The following C14orf132 variants were observed in gnomAD, a reference collection of about 807,000 sequenced individuals.
C14orf132 encodes the protein uncharacterized protein C14orf132.
Under a neutral mutation model 5.8 loss-of-function variants are expected in C14orf132, and 6 were observed. That is an observed-to-expected ratio of 1.03 (90% confidence interval 0.57 to 2.04). C14orf132 has a LOEUF of 2.04. Among genes scored for constraint, C14orf132 ranks in the 30% most tolerant of loss-of-function variants. The probability of loss-of-function intolerance (pLI) is 0.00; values close to 1 mark genes in which losing one functional copy is unlikely to be tolerated. For synonymous variants in C14orf132, 51 were observed against 49.8 expected, an observed-to-expected ratio of 1.02 and a Z score of -0.10; for missense variants, 125 against 115.8, an observed-to-expected ratio of 1.08 and a Z score of -0.37.
chr14:96,084,801 C>T (rs369062402), intron 1 of C14orf132, among the ~76,000 whole-genome samples: 2 of 152,276 alleles, frequency 1.3e-5, no homozygotes, highest in East Asian at 3.9e-4. Flanking sequence ...CTATTCCATC[C>T]CCTCAAGGAC....
Position 96,039,480 on chromosome 14 carries a change from A to G in C14orf132, c.-21A>G. 6.7e-7 allele frequency: 1 copy of G among 1,501,178 alleles called. No homozygotes were observed. Among genetic ancestry groups the G allele is most frequent in the East Asian group, 2.7e-5 (1 of 37,328 alleles). The allele number at this position is 1,501,178 out of a possible 1,614,324, so 93.0% of individuals were successfully genotyped here. A position where few individuals can be genotyped will look rare whatever the true frequency, so the allele number is the denominator to read the frequency against. ...CGGCAGCGGCAGCAGCGAGGACTCGAGCGCTGGCTGCAGCGACACCATGGA... is the reference window on the plus strand; with the variant it reads ...CGGCAGCGGCAGCAGCGAGGACTCGGGCGCTGGCTGCAGCGACACCATGGA... On this transcript the variant is annotated 5_prime_UTR_variant, in exon 1 of 2. Coordinates refer to ENST00000555004, the MANE Select transcript of C14orf132 (RefSeq NM_001252507.3). This position sits in a 1 kb window ranked among gnomAD's most constrained non-coding sequence, Gnocchi z 5.3.
chr14:96,076,484 C>T (rs992711486), intron 1 of C14orf132, among the ~76,000 whole-genome samples: 1 of 152,082 alleles, frequency 6.6e-6, no homozygotes, highest in African/African-American at 2.4e-5. Flanking sequence ...TAATCTTCCC[C>T]TCTTCCTAAT....
chr14:96,046,885 G>A (rs1006372433), intron 1 of C14orf132, among the ~76,000 whole-genome samples: 2 of 152,286 alleles, frequency 1.3e-5, no homozygotes, highest in African/African-American at 4.8e-5. Flanking sequence ...AGGTGATTTT[G>A]TTATCTCTTG....
rs1886637660 is a variant in C14orf132, at chr14:96,039,833, C to T, written c.27+306C>T. On this transcript the variant is annotated intron_variant, in intron 1 of 1. Transcript: ENST00000555004. This position sits in a 1 kb window ranked among gnomAD's most constrained non-coding sequence, Gnocchi z 5.3. ...GCCCGAGTCGCCCCCTTCTGCCCAT[C>T]CCCCACTGCTGTCCCCCTTCTGGGG... 6.6e-6 allele frequency among the ~76,000 whole-genome samples: 1 copy of T among 152,182 alleles called. No homozygotes were observed. The highest frequency in any genetic ancestry group is 2.4e-5 in the African/African-American group (1 of 41,454).
At position 96,091,536 on chromosome 14, in the gene C14orf132, G is replaced by T. The variant is rs3809416; in HGVS notation, c.*4801G>T. The T allele has an allele frequency of 0.36, 57,376 of 158,866 alleles. 10,688 individuals carry two copies. Among genetic ancestry groups the T allele is most frequent in the East Asian group, 0.54 (2,958 of 5,488 alleles). The allele number at this position is 158,866 out of a possible 1,614,324, so 9.8% of individuals were successfully genotyped here. A position where few individuals can be genotyped will look rare whatever the true frequency, so the allele number is the denominator to read the frequency against. ...GCCCGGGATTACCTGCCCCAGCCCC[G>T]AGGTGGGTTGTGCTCCCTGCAGCTG... On this transcript the variant is annotated 3_prime_UTR_variant, in exon 2 of 2. Transcript: ENST00000555004.
intron 1 of C14orf132, among the ~76,000 whole-genome samples, chr14:96,043,709 T>A (rs2139640133): frequency 6.6e-6 from 1 of 152,180 alleles, no homozygotes; most frequent in East Asian, 1.9e-4. Flanking sequence ...ATAGGATACA[T>A]CCACCCTCCC....
chr14:96,093,707 G>T lies in C14orf132; in HGVS notation c.*6972G>T, dbSNP rs1048416889. Reference sequence around the variant, plus strand: ...ACCCAAGCACCTGGTTTCACCATGCGATCACTGACTTCTCTACAGTGAAGA... The same window carrying T: ...ACCCAAGCACCTGGTTTCACCATGCTATCACTGACTTCTCTACAGTGAAGA... On this transcript the variant is annotated 3_prime_UTR_variant, in exon 2 of 2. Coordinates refer to ENST00000555004, the MANE Select transcript of C14orf132 (RefSeq NM_001252507.3). 6.6e-6 allele frequency: 1 copy of T among 152,176 alleles called. No individual in the cohort carries two copies. The highest frequency in any genetic ancestry group is 1.5e-5 in the Non-Finnish European group (1 of 68,030). 9.4% of individuals were successfully genotyped at this position (152,176 alleles called of 1,614,324 possible). A position where few individuals can be genotyped will look rare whatever the true frequency, so the allele number is the denominator to read the frequency against.
At chr14:96,071,852 G>A (rs1887719988) in intron 1 of C14orf132, among the ~76,000 whole-genome samples, 1 of 152,260 alleles carries the variant, frequency 6.6e-6, no homozygotes, top group Non-Finnish European at 1.5e-5. Flanking sequence ...CCTTGTGCCT[G>A]TCCAGCCCTG....
In C14orf132 at chr14:96,086,716, T is replaced by C; in HGVS notation, c.233T>C (p.Val78Ala). 1.3e-6 allele frequency: 2 copies of C among 1,536,148 alleles called. No homozygotes were observed. The highest frequency in any genetic ancestry group is 2.4e-5 in the East Asian group (1 of 40,920). ...GGGAACATCGTGGTGGTGGGCGTGG[T>C]GTATGCCTTCACCTTCTGAGGACGG... ...TLGNIVVVGV[V>A]YAFTF The change falls in exon 2 of 2, where the codon GTG becomes GCG. Residue 78 changes from valine (V) to alanine (A), a missense_variant. By Grantham distance (64) the Val-to-Ala change is moderately conservative. Transcript: ENST00000555004.
chr14:96,085,078 C>A (rs2139683702), intron 1 of C14orf132, among the ~76,000 whole-genome samples: 1 of 152,352 alleles, frequency 6.6e-6, no homozygotes, highest in Non-Finnish European at 1.5e-5. Flanking sequence ...TGGCACTCAA[C>A]CCTGACACCA....
chr14:96,051,284 G>A (rs151285085), intron 1 of C14orf132: 1 of 398,470 alleles, frequency 2.5e-6, no homozygotes, highest in Non-Finnish European at 4.4e-6. Context: ...TCAGGTGTGG[G>A]GTCTGCAGAC....
At chr14:96,059,640 G>A (rs899092363) in intron 1 of C14orf132, among the ~76,000 whole-genome samples, 5 of 152,184 alleles carry the variant, frequency 3.3e-5, no homozygotes, top group Non-Finnish European at 7.3e-5. Context: ...GTCTGCTGGG[G>A]GGGCCCTAGC....
intron 1 of C14orf132, among the ~76,000 whole-genome samples, chr14:96,047,551 G>A (rs955567415): frequency 6.6e-6 from 1 of 152,108 alleles, no homozygotes; most frequent in African/African-American, 2.4e-5. Flanking sequence ...ATGCCTTTGA[G>A]GTAGCAGACA....
chr14:96,067,319 C>A (rs1205840039), intron 1 of C14orf132, among the ~76,000 whole-genome samples: 1 of 152,138 alleles, frequency 6.6e-6, no homozygotes, highest in Non-Finnish European at 1.5e-5. Context: ...GGACCTGAAC[C>A]CATTGCCATC....
At chr14:96,041,227 T>G (rs962351244) in intron 1 of C14orf132, among the ~76,000 whole-genome samples, 1 of 152,202 alleles carries the variant, frequency 6.6e-6, no homozygotes, top group Non-Finnish European at 1.5e-5. Flanking sequence ...ACGCTAAGGT[T>G]TGTTGAGCAC....
intron 1 of C14orf132, among the ~76,000 whole-genome samples, chr14:96,083,371 GC>G (rs1888084836): frequency 6.6e-6 from 1 of 152,152 alleles, no homozygotes; most frequent in African/African-American, 2.4e-5. Context: ...GCAGAGTGAT[GC>G]CCCCACCAAG....
chr14:96,084,880 G>A (rs1888133280), intron 1 of C14orf132, among the ~76,000 whole-genome samples: 2 of 152,166 alleles, frequency 1.3e-5, no homozygotes, highest in South Asian at 4.1e-4. Context: ...GATGCTCAAG[G>A]GCCACCTGGT....
rs1362661016 is a variant in C14orf132 at position 96,090,414 on chromosome 14, A to C, written c.*3679A>C. 3.5e-6 allele frequency: 1 copy of C among 288,758 alleles called. No individual in the cohort carries two copies. The highest frequency in any genetic ancestry group is 2.2e-5 in the African/African-American group (1 of 44,694). 17.9% of individuals were successfully genotyped at this position (288,758 alleles called of 1,614,324 possible). ...TCAAAAAAAAAAAAAAAGAAAAGAA[A>C]AAAAAAAAGAGCAACTTACTGCTTT... On this transcript the variant is annotated 3_prime_UTR_variant, in exon 2 of 2. Transcript: ENST00000555004.
chr14:96,042,636 T>C (rs1311417755), intron 1 of C14orf132, among the ~76,000 whole-genome samples: 1 of 152,248 alleles, frequency 6.6e-6, no homozygotes, highest in East Asian at 1.9e-4. Flanking sequence ...ATATCCTCTT[T>C]GGGTGTACAG....
Sources: gnomAD v4.1 joint callset for allele counts (sites outside exome capture counted in the v4.1 genomes callset) on GRCh38, gnomAD v4.1.1 for gene constraint, Gnocchi (gnomAD v3.1) non-coding constraint, MANE v1.5 for transcripts, NCBI Gene and HGNC (gene_info 2026-07-23, HGNC 2026-07-21) for gene names.